FLG2: variants seen among roughly 807,000 people sequenced by gnomAD.
The protein encoded by FLG2 is filaggrin 2, also known as filaggrin-2.
In FLG2, 7 loss-of-function variants were observed where a neutral mutation model predicts 3.9. The ratio of observed to expected loss-of-function variants is 1.79; its 90% CI spans 1.02 to 3.36. FLG2 has a LOEUF of 3.36. FLG2 is among the 30% of genes most tolerant of loss of function. The pLI is 0.00. For synonymous variants in FLG2, 1,031 were observed against 1,056.1 expected, an observed-to-expected ratio of 0.98 and a Z score of 0.46; for missense variants, 2,700 against 2,809.4, an observed-to-expected ratio of 0.96 and a Z score of 0.88.
In FLG2 at chr1:152,349,247, A is replaced by G. The variant is rs1035406346; in HGVS notation, c.*1363T>C. On this transcript the variant is annotated 3_prime_UTR_variant, in exon 3 of 3. Transcript: ENST00000388718. ...CTGCAACCTCTGCCTCCCGGGTTCA[A>G]CCAATTCTCCTGCCTCAGCCTCCTG... 6.6e-6 allele frequency: 1 copy of G among 152,166 alleles called. No individual in the cohort carries two copies. Among genetic ancestry groups the G allele is most frequent in the Non-Finnish European group, 1.5e-5 (1 of 68,100 alleles). The allele number at this position is 152,166 out of a possible 1,614,324, so 9.4% of individuals were successfully genotyped here.
rs1654297970 is a variant in FLG2, at chr1:152,357,620, C to T, written c.166G>A (p.Val56Ile). 6.2e-7 allele frequency: 1 copy of T among 1,613,302 alleles called. No individual in the cohort carries two copies. Among genetic ancestry groups the T allele is most frequent in the Non-Finnish European group, 8.5e-7 (1 of 1,179,624 alleles). ...KNPDDPDTVD[V>I]IMHMLDRDHD... Reference sequence around the variant, plus strand: ...TCTCGATCCAGCATATGCATGATGACATCCACTGTGTCTGGATCATCTGGG... The same window carrying T: ...TCTCGATCCAGCATATGCATGATGATATCCACTGTGTCTGGATCATCTGGG... Residue 56 changes from valine to isoleucine, a missense_variant, in exon 3 of 3, where the codon GTC (valine) becomes ATC (isoleucine). Physicochemically the swap from Val to Ile is conservative, Grantham distance 29 (BLOSUM62 3). Coordinates refer to ENST00000388718, the MANE Select transcript of FLG2 (RefSeq NM_001014342.3).
chr1:152,355,038 T>C lies in FLG2; in HGVS notation c.2748A>G (p.Arg916=). The C allele has an allele frequency of 6.4e-7, 1 of 1,558,648 alleles. No homozygotes were observed. Among genetic ancestry groups the C allele is most frequent in the African/African-American group, 1.3e-5 (1 of 74,174 alleles). The change falls in exon 3 of 3, where the codon AGA becomes AGG. Residue 916 remains arginine, a synonymous_variant. Coordinates refer to ENST00000388718, the MANE Select transcript of FLG2 (RefSeq NM_001014342.3). ...QYSGFGQHES[R]SHQSSYGQHG... is the part of the protein sequence containing the mutation. ...GTTGGCCATAGCTAGACTGATGTGA[T>C]CTAGACTCATGTTGTCCAAAACCAG...
rs1161597016 is a variant in FLG2, at chr1:152,350,885, T to C, written c.6901A>G (p.Thr2301Ala). 1 of 1,614,132 alleles carries C rather than the reference T, an allele frequency of 6.2e-7. No individual in the cohort carries two copies. Among genetic ancestry groups the C allele is most frequent in the East Asian group, 2.2e-5 (1 of 44,874 alleles). ...TGGCCATGTCTAGTGGTATCTCCTG[T>C]CTGTCCATGAGTAGTTTCCAGTCTC... ...HGRLETTHGQ[T>A]GDTTRHGHSG... is the part of the protein sequence containing the mutation. The change falls in exon 3 of 3, where the codon ACA becomes GCA. Residue 2301 changes from threonine (T) to alanine (A), a missense_variant. Thr to Ala is a moderately conservative substitution (Grantham distance 58, BLOSUM62 0). Transcript: ENST00000388718.
At position 152,354,208 on chromosome 1, in the gene FLG2, C is replaced by G. The variant is rs1288464433; in HGVS notation, c.3578G>C (p.Gly1193Ala). The G allele has an allele frequency of 1.9e-6, 3 of 1,614,140 alleles. No individual in the cohort carries two copies. Among genetic ancestry groups the G allele is most frequent in the Non-Finnish European group, 2.5e-6 (3 of 1,180,012 alleles). The stretch of plus-strand genomic sequence containing the variant: ...CTGACCTGAGTCAGATATATGTTGT[C>G]CAGAACTAGAGAAATTGTCTGAGCC... ...VSGSDNFSSS[G>A]QHISDSGQST... Residue 1193 changes from glycine (G) to alanine (A), a missense_variant, in exon 3 of 3, where the codon GGA (glycine) becomes GCA (alanine). Coordinates refer to ENST00000388718, the MANE Select transcript of FLG2 (RefSeq NM_001014342.3).
Position 152,356,776 on chromosome 1 carries a change from C to A in FLG2, c.1010G>T (p.Gly337Val). The change falls in exon 3 of 3, where the codon GGA (glycine) becomes GTA (valine). Residue 337 changes from glycine (G) to valine (V), a missense_variant. Gly to Val is a moderately radical substitution (Grantham distance 109, BLOSUM62 -3). Transcript: ENST00000388718. ...HGCVSGGQPS[G>V]CGQPESNPCS... ...GGGGTTAGACTCAGGTTGACCACAT[C>A]CAGAGGGCTGACCTCCTGAGACACA... 1.2e-6 allele frequency: 2 copies of A among 1,614,056 alleles called. No homozygotes were observed. Among genetic ancestry groups the A allele is most frequent in the Non-Finnish European group, 1.7e-6 (2 of 1,179,910 alleles).
In FLG2 at chr1:152,354,267, T is replaced by C; in HGVS notation, c.3519A>G (p.Ser1173=). Residue 1173 remains serine, a synonymous_variant, in exon 3 of 3, where the codon TCA becomes TCG. Transcript: ENST00000388718. ...GCTGTCCAAAACTTGTGGTTGGACC[T>C]GAGCCAGACTCATGTTGGCCACAGC... The part of the protein sequence containing the change: ...SSGCGQHESG[S]GPTTSFGQHV... 4 of 1,614,116 alleles carry C rather than the reference T, an allele frequency of 2.5e-6. No individual in the cohort carries two copies. Among genetic ancestry groups the C allele is most frequent in the Non-Finnish European group, 3.4e-6 (4 of 1,179,972 alleles).
chr1:152,350,924 A>G lies in FLG2; in HGVS notation c.6862T>C (p.Ser2288Pro). The G allele has an allele frequency of 1.2e-6, 2 of 1,613,388 alleles. No homozygotes were observed. The highest frequency in any genetic ancestry group is 1.1e-5 in the South Asian group (1 of 91,064). ...GTTTCCAGTCTCCCATGAACTGTGGATCCTGGCTGTCTTTGTTGAGATCCA... is the reference window on the plus strand; with the variant it reads ...GTTTCCAGTCTCCCATGAACTGTGGGTCCTGGCTGTCTTTGTTGAGATCCA... ...QAGSQQRQPG[S>P]TVHGRLETTH... The change falls in exon 3 of 3, where the codon TCC (serine) becomes CCC (proline). Residue 2288 changes from serine to proline, a missense_variant. Transcript: ENST00000388718.
chr1:152,350,644 T>G lies in FLG2; in HGVS notation c.7142A>C (p.Asp2381Ala), dbSNP rs1292586116. ...ISNSHLSWST[D>A]STANKQLSRH ...AGACAGTTGCTTGTTTGCAGTGCTG[T>G]CTGTTGACCATGAAAGGTGAGAATT... is the stretch of plus-strand genomic sequence containing the variant. Residue 2381 changes from aspartate to alanine, a missense_variant, in exon 3 of 3, where the codon GAC (aspartate) becomes GCC (alanine). Physicochemically the swap from Asp to Ala is moderately radical, Grantham distance 126. Coordinates refer to ENST00000388718, the MANE Select transcript of FLG2 (RefSeq NM_001014342.3). The G allele has an allele frequency of 6.2e-7, 1 of 1,614,122 alleles. No homozygotes were observed. The highest frequency in any genetic ancestry group is 2.2e-5 in the East Asian group (1 of 44,882).
Position 152,355,143 on chromosome 1 carries a change from G to C in FLG2, c.2643C>G (p.Tyr881Ter). Residue 881 changes from tyrosine (Y) to a stop codon, truncating the protein, a stop_gained, in exon 3 of 3, where the codon TAC (tyrosine) becomes TAG (stop). Coordinates refer to ENST00000388718, the MANE Select transcript of FLG2 (RefSeq NM_001014342.3). LOFTEE classifies it low-confidence loss of function (END_TRUNC). ...FGQHRSSSGQ[Y>*]SGFGQHGSGS... The stretch of plus-strand genomic sequence containing the variant: ...CTGATCCATGTTGTCCAAAGCCAGA[G>C]TATTGACCTGAGCTTGACCTGTGTT... 6.4e-7 allele frequency: 1 copy of C among 1,554,008 alleles called. No homozygotes were observed. Among genetic ancestry groups the C allele is most frequent in the Non-Finnish European group, 8.7e-7 (1 of 1,153,164 alleles).
In FLG2 at chr1:152,354,973, TG is replaced by T; in HGVS notation, c.2812del (p.His938MetfsTer289). The T allele has an allele frequency of 6.3e-7, 1 of 1,590,540 alleles. No individual in the cohort carries two copies. Among genetic ancestry groups the T allele is most frequent in the Non-Finnish European group, 8.5e-7 (1 of 1,170,696 alleles). On this transcript the variant is annotated frameshift_variant, in exon 3 of 3. Coordinates refer to ENST00000388718, the MANE Select transcript of FLG2 (RefSeq NM_001014342.3). LOFTEE classifies it low-confidence loss of function (END_TRUNC). ...GSSQSSGYGQ[H>X]GSSSGQTFGF... ...AAAAGTCTGTCCTGAACTTGACCCA[TG>T]TTGACCATAGCCAGATGACTGACTT...
Position 152,349,672 on chromosome 1 carries a change from T to G in FLG2, c.*938A>C, listed in dbSNP as rs1367112101. On this transcript the variant is annotated 3_prime_UTR_variant, in exon 3 of 3. Coordinates refer to ENST00000388718, the MANE Select transcript of FLG2 (RefSeq NM_001014342.3). ...TGGGCTAGTTTATGTTGGCTTCTTA[T>G]TCAAAGTAATAACTCCTTTGTTCTT... The G allele has an allele frequency of 6.5e-6, 1 of 152,682 alleles. No homozygotes were observed. Among genetic ancestry groups the G allele is most frequent in the Admixed American group, 6.5e-5 (1 of 15,286 alleles). The allele number at this position is 152,682 out of a possible 1,614,324, so 9.5% of individuals were successfully genotyped here.
At chr1:152,359,169 G>C (rs1324856799) in intron 1 of FLG2, among the ~76,000 whole-genome samples, 1 of 152,144 alleles carries the variant, frequency 6.6e-6, no homozygotes, top group Non-Finnish European at 1.5e-5. Flanking sequence ...TTCCTGTCAT[G>C]GGTAAGTATA....
At chr1:152,358,624 A>C in intron 2 of FLG2, 123 bp downstream of exon 2, 3 of 902,828 alleles carry the variant, frequency 3.3e-6, no homozygotes, top group Non-Finnish European at 4.9e-6. Flanking sequence ...GGCATCCCCA[A>C]AATACCACTC....
chr1:152,356,713 C>T lies in FLG2; in HGVS notation c.1073G>A (p.Arg358Lys), dbSNP rs1391423337. 6.2e-7 allele frequency: 1 copy of T among 1,614,094 alleles called. No homozygotes were observed. Among genetic ancestry groups the T allele is most frequent in the Non-Finnish European group, 8.5e-7 (1 of 1,180,044 alleles). Reference sequence around the variant, plus strand: ...ACAGTTCTGTGGTTGACCATTTTCTCTAGCTCCATATCCTCTCTGACTATA... The same window carrying T: ...ACAGTTCTGTGGTTGACCATTTTCTTTAGCTCCATATCCTCTCTGACTATA... ...QSYSQRGYGA[R>K]ENGQPQNCGG... The change falls in exon 3 of 3, where the codon AGA becomes AAA. Residue 358 changes from arginine (R) to lysine (K), a missense_variant. Transcript: ENST00000388718.
intron 2 of FLG2, among the ~76,000 whole-genome samples, chr1:152,358,308 A>G (rs1351202075): frequency 6.6e-6 from 1 of 152,186 alleles, no homozygotes; most frequent in African/African-American, 2.4e-5. Flanking sequence ...GGCATGAGCC[A>G]CCGCGCCTAG....
In FLG2 at chr1:152,355,054, C is replaced by A; in HGVS notation, c.2732G>T (p.Gly911Val). 6.5e-7 allele frequency: 1 copy of A among 1,547,220 alleles called. No individual in the cohort carries two copies. Among genetic ancestry groups the A allele is most frequent in the Non-Finnish European group, 8.7e-7 (1 of 1,148,842 alleles). The change falls in exon 3 of 3, where the codon GGA becomes GTA. Residue 911 changes from glycine (G) to valine (V), a missense_variant. Coordinates refer to ENST00000388718, the MANE Select transcript of FLG2 (RefSeq NM_001014342.3). Reference sequence around the variant, plus strand: ...CTGATGTGATCTAGACTCATGTTGTCCAAAACCAGAGTATTGTCCTGAGCC... The same window carrying A: ...CTGATGTGATCTAGACTCATGTTGTACAAAACCAGAGTATTGTCCTGAGCC... ...GTGSGQYSGF[G>V]QHESRSHQSS...
At chr1:152,359,361 C>T (rs1255777776) in intron 1 of FLG2, among the ~76,000 whole-genome samples, 4 of 152,116 alleles carry the variant, frequency 2.6e-5, no homozygotes, top group African/African-American at 9.7e-5. Flanking sequence ...CCTCTGGGCA[C>T]CAGAAGCTAA....
In FLG2 at chr1:152,353,652, T is replaced by C. The variant is rs746769624; in HGVS notation, c.4134A>G (p.Gly1378=). The change falls in exon 3 of 3, where the codon GGA becomes GGG. Residue 1378 remains glycine (G), a synonymous_variant. Coordinates refer to ENST00000388718, the MANE Select transcript of FLG2 (RefSeq NM_001014342.3). ...QTHSQAGSQH[G]ESESTVHERH... ...TCTCATGAACTGTGGATTCTGACTC[T>C]CCATGTTGAGATCCAGCTTGGCTGT... The C allele has an allele frequency of 6.2e-7, 1 of 1,614,020 alleles. No homozygotes were observed. The highest frequency in any genetic ancestry group is 2.2e-5 in the East Asian group (1 of 44,878).
At position 152,355,656 on chromosome 1, in the gene FLG2, C is replaced by A. The variant is rs1337397988; in HGVS notation, c.2130G>T (p.Gly710=). 1 of 1,613,232 alleles carries A rather than the reference C, an allele frequency of 6.2e-7. No individual in the cohort carries two copies. The highest frequency in any genetic ancestry group is 1.3e-5 in the African/African-American group (1 of 74,562). The change falls in exon 3 of 3, where the codon GGG becomes GGT. Residue 710 remains glycine (G), a synonymous_variant. Transcript: ENST00000388718. ...ATCCAGATGTCTGTCCTGAACTTGA[C>A]CCATGTTGACCATAGCCAGATGATT... The part of the protein sequence containing the change: ...SSQSSGYGQH[G]SSSGQTSGFG...
Sources: gnomAD v4.1 joint callset for allele counts (sites outside exome capture counted in the v4.1 genomes callset) on GRCh38, gnomAD v4.1.1 for gene constraint, MANE v1.5 for transcripts, NCBI Gene and HGNC (gene_info 2026-07-23, HGNC 2026-07-21) for gene names.